HDAC11: variants seen among roughly 807,000 people sequenced by gnomAD.
HDAC11 encodes the protein histone deacetylase 11.
A neutral mutation model predicts 41.1 loss-of-function variants in HDAC11; 23 were observed. The ratio of observed to expected loss-of-function variants is 0.56; its 90% CI spans 0.40 to 0.79. HDAC11 has a LOEUF of 0.79. HDAC11 is among the 30% of genes least tolerant of loss of function. HDAC11 has a pLI of 0.00. For synonymous variants in HDAC11, 187 were observed against 186.6 expected, an observed-to-expected ratio of 1.00 and a Z score of -0.02; for missense variants, 402 against 477.3, an observed-to-expected ratio of 0.84 and a Z score of 1.47.
intron 3 of HDAC11, among the ~76,000 whole-genome samples, chr3:13,490,750 T>C (rs1304924079): frequency 3.0e-5 from 4 of 132,696 alleles, no homozygotes; most frequent in Admixed American, 7.6e-5. Context: ...TTTTCTTTTT[T>C]TTTTTTTTTT....
intron 3 of HDAC11, among the ~76,000 whole-genome samples, chr3:13,494,133 A>G (rs1217579870): frequency 1.3e-5 from 2 of 152,206 alleles, no homozygotes; most frequent in African/African-American, 4.8e-5. Context: ...GTGCTGTGCG[A>G]GACCCGTGGC....
chr3:13,494,121 G>A (rs1199033192), intron 3 of HDAC11, among the ~76,000 whole-genome samples: 1 of 152,210 alleles, frequency 6.6e-6, no homozygotes, highest in Non-Finnish European at 1.5e-5. Flanking sequence ...CCTCCTTGAG[G>A]AGTGCTGTGC....
chr3:13,503,211 A>G, intron 8 of HDAC11: 1 of 367,764 alleles, frequency 2.7e-6, no homozygotes, highest in Non-Finnish European at 4.9e-6. Flanking sequence ...GGCAAAAAAC[A>G]GGAAAGAATG....
At chr3:13,484,966 G>A (rs1701491684) in intron 3 of HDAC11, among the ~76,000 whole-genome samples, 1 of 152,172 alleles carries the variant, frequency 6.6e-6, no homozygotes, top group Admixed American at 6.5e-5. Flanking sequence ...CAAGAGTGTG[G>A]GAGCCCTGAC....
chr3:13,496,808 A>G lies in HDAC11; in HGVS notation c.325A>G (p.Lys109Glu), dbSNP rs1266870603. ...CCTCCCCAACTTCCTTGTGCAGAGGAAGGTGCTGAGGCCCCTTCGGACCCA... is the reference window on the plus strand; with the variant it reads ...CCTCCCCAACTTCCTTGTGCAGAGGGAGGTGCTGAGGCCCCTTCGGACCCA... ...IFLPNFLVQRKVLRPLRTQTG... is the reference protein window; with the variant it reads ...IFLPNFLVQREVLRPLRTQTG... The change falls in exon 4 of 10, where the codon AAG becomes GAG. Residue 109 changes from lysine to glutamate, a missense_variant. Physicochemically the swap from Lys to Glu is moderately conservative, Grantham distance 56. Transcript: ENST00000295757. 1 of 1,604,516 alleles carries G rather than the reference A, an allele frequency of 6.2e-7. No homozygotes were observed. The highest frequency in any genetic ancestry group is 8.5e-7 in the Non-Finnish European group (1 of 1,174,790).
At chr3:13,494,326 C>G (rs568427010) in intron 3 of HDAC11, among the ~76,000 whole-genome samples, 1 of 152,222 alleles carries the variant, frequency 6.6e-6, no homozygotes, top group African/African-American at 2.4e-5. Flanking sequence ...TGGTTCCATG[C>G]CAGCCACACG....
rs115992302 is a variant in HDAC11 at position 13,500,826 on chromosome 3, G to C, written c.489+37G>C. The C allele has an allele frequency of 5.1e-3, 7,212 of 1,422,504 alleles. 30 individuals are homozygous for C. Among genetic ancestry groups the C allele is most frequent in the Non-Finnish European group, 6.2e-3 (6,560 of 1,053,560 alleles). 88.1% of individuals were successfully genotyped at this position (1,422,504 alleles called of 1,614,324 possible). A position where few individuals can be genotyped will look rare whatever the true frequency, so the allele number is the denominator to read the frequency against. On this transcript the variant is annotated intron_variant, in intron 6 of 9. Coordinates refer to ENST00000295757, the MANE Select transcript of HDAC11 (RefSeq NM_024827.4). Reference sequence around the variant, plus strand: ...AGCAAGTGGGGTCTCGCCTCCAAGAGCCCTCCTGGAATCCTCCCCATAGCT... The same window carrying C: ...AGCAAGTGGGGTCTCGCCTCCAAGACCCCTCCTGGAATCCTCCCCATAGCT...
rs1702101149 is a variant in HDAC11 at position 13,496,511 on chromosome 3, G to GCTAGTTGTGT, written c.253-225_253-224insCTAGTTGTGT. 13 of 444,772 alleles carry GCTAGTTGTGT rather than the reference G, an allele frequency of 2.9e-5. No homozygotes were observed. In the South Asian group the frequency reaches 4.2e-4, roughly 14 times the overall value. 27.6% of individuals were successfully genotyped at this position (444,772 alleles called of 1,614,324 possible). On this transcript the variant is annotated intron_variant, in intron 3 of 9. Transcript: ENST00000295757. ...AGGAACCCTGGCCAACTAGCTTTAA[G>GCTAGTTGTGT]AAATGCATTGTGTAAACTGCTCTTT... is the stretch of plus-strand genomic sequence containing the variant.
At chr3:13,496,527 A>G in intron 3 of HDAC11, 1 of 490,266 alleles carries the variant, frequency 2.0e-6, no homozygotes, top group Non-Finnish European at 3.6e-6. Context: ...CATTGTGTAA[A>G]CTGCTCTTTA....
At chr3:13,488,635 A>G (rs1461036086) in intron 3 of HDAC11, among the ~76,000 whole-genome samples, 1 of 152,204 alleles carries the variant, frequency 6.6e-6, no homozygotes, top group Non-Finnish European at 1.5e-5. Context: ...ATGATATTCC[A>G]TTGTAAAACA....
chr3:13,501,640 A>G lies in HDAC11; in HGVS notation c.490-231A>G, dbSNP rs1272796732. 7.1e-6 allele frequency: 5 copies of G among 705,850 alleles called. No homozygotes were observed. The Admixed American group carries it at 8.1e-5, about 11-fold the overall frequency. The allele number at this position is 705,850 out of a possible 1,614,324, so 43.7% of individuals were successfully genotyped here. On this transcript the variant is annotated intron_variant, in intron 6 of 9. Transcript: ENST00000295757. Reference sequence around the variant, plus strand: ...CCTATGACCCTTCAGGGCACAGGACATGCCCCCTCCTCCAGGGAGCCTTCC... The same window carrying G: ...CCTATGACCCTTCAGGGCACAGGACGTGCCCCCTCCTCCAGGGAGCCTTCC...
chr3:13,481,079 G>A (rs1351882629), intron 1 of HDAC11, 167 bp from the exon 2 acceptor site: 2 of 694,954 alleles, frequency 2.9e-6, no homozygotes, highest in Admixed American at 3.0e-5. Flanking sequence ...ATTGGGTTCC[G>A]GGAAAGGCAG....
chr3:13,504,634 T>A lies in HDAC11; in HGVS notation c.995T>A (p.Val332Asp). Residue 332 changes from valine (V) to aspartate (D), a missense_variant, in exon 10 of 10, where the codon GTC (valine) becomes GAC (aspartate). Physicochemically the swap from Val to Asp is radical, Grantham distance 152 (BLOSUM62 -3). Coordinates refer to ENST00000295757, the MANE Select transcript of HDAC11 (RefSeq NM_024827.4). ...CTCATTGGGCCTGAGTCACCCAGCGTCTCCGCACAGAACTCAGACACACCG... is the reference window on the plus strand; with the variant it reads ...CTCATTGGGCCTGAGTCACCCAGCGACTCCGCACAGAACTCAGACACACCG... ...LGLIGPESPS[V>D]SAQNSDTPLL... 1 of 1,613,792 alleles carries A rather than the reference T, an allele frequency of 6.2e-7. No individual in the cohort carries two copies. Among genetic ancestry groups the A allele is most frequent in the East Asian group, 2.2e-5 (1 of 44,864 alleles).
chr3:13,483,092 CG>C (rs1232151739), intron 2 of HDAC11, among the ~76,000 whole-genome samples: 1 of 146,710 alleles, frequency 6.8e-6, no homozygotes, highest in Non-Finnish European at 1.5e-5. Flanking sequence ...AAAAAAAGGG[CG>C]GGGGGAAGGT....
In HDAC11 at chr3:13,483,576, C is replaced by G; in HGVS notation, c.252+12C>G. On this transcript the variant is annotated intron_variant, in intron 3 of 9. Transcript: ENST00000295757. ...TTAATGAGCTCAAGGTACAGGATGT[C>G]GGGCCTGGGGGGCTGCGGGCCTGGG... 4 of 1,417,810 alleles carry G rather than the reference C, an allele frequency of 2.8e-6. No individual in the cohort carries two copies. The highest frequency in any genetic ancestry group is 2.9e-6 in the Non-Finnish European group (3 of 1,027,606). The allele number at this position is 1,417,810 out of a possible 1,614,324, so 87.8% of individuals were successfully genotyped here. A position where few individuals can be genotyped will look rare whatever the true frequency, so the allele number is the denominator to read the frequency against.
Position 13,504,163 on chromosome 3 carries a change from G to A in HDAC11, c.719G>A (p.Arg240Lys). 6.2e-7 allele frequency: 1 copy of A among 1,614,072 alleles called. No homozygotes were observed. Among genetic ancestry groups the A allele is most frequent in the Non-Finnish European group, 8.5e-7 (1 of 1,180,028 alleles). The change falls in exon 9 of 10, where the codon AGG becomes AAG. Residue 240 changes from arginine (R) to lysine (K), a missense_variant. By Grantham distance (26) the Arg-to-Lys change is conservative. Coordinates refer to ENST00000295757, the MANE Select transcript of HDAC11 (RefSeq NM_024827.4). ...EDDEYLDKVE[R>K]NIKKSLQEHL... ...GATGAGTACCTGGATAAGGTGGAGA[G>A]GAACATCAAGAAATCCCTCCAGGAG...
rs550508003 is a variant in HDAC11, at chr3:13,504,918, C to G, written c.*235C>G. On this transcript the variant is annotated 3_prime_UTR_variant, in exon 10 of 10. Transcript: ENST00000295757. ...AGCCTGTGTCCCAGGGGGACCCACA[C>G]GAAGTCACCAGCCCATAGGTCCAGG... is the stretch of plus-strand genomic sequence containing the variant. The G allele has an allele frequency of 3.4e-6, 2 of 585,830 alleles. No homozygotes were observed. The highest frequency in any genetic ancestry group is 1.9e-5 in the African/African-American group (1 of 53,580). The allele number at this position is 585,830 out of a possible 1,614,324, so 36.3% of individuals were successfully genotyped here.
At position 13,483,416 on chromosome 3, in the gene HDAC11, T is replaced by C. The variant is rs368801608; in HGVS notation, c.152-48T>C. Reference sequence around the variant, plus strand: ...CTGTGGGAGGGTCTGGGGCTGGCCCTGGCCTTGAGGTCAGTGGGGAAGCAG... The same window carrying C: ...CTGTGGGAGGGTCTGGGGCTGGCCCCGGCCTTGAGGTCAGTGGGGAAGCAG... On this transcript the variant is annotated intron_variant, in intron 2 of 9. Coordinates refer to ENST00000295757, the MANE Select transcript of HDAC11 (RefSeq NM_024827.4). The C allele has an allele frequency of 7.8e-6, 12 of 1,532,132 alleles. No individual in the cohort carries two copies. In the African/African-American group the frequency reaches 1.1e-4, roughly 14 times the overall value. 94.9% of individuals were successfully genotyped at this position (1,532,132 alleles called of 1,614,324 possible). A position where few individuals can be genotyped will look rare whatever the true frequency, so the allele number is the denominator to read the frequency against.
At position 13,501,863 on chromosome 3, in the gene HDAC11, C is replaced by A; in HGVS notation, c.490-8C>A. On this transcript the variant is annotated splice_region_variant and splice_polypyrimidine_tract_variant and intron_variant, in intron 6 of 9. Coordinates refer to ENST00000295757, the MANE Select transcript of HDAC11 (RefSeq NM_024827.4). Reference sequence around the variant, plus strand: ...AGATCCTCATGTCTACCCTCTCCTCCCTGGCAGTTTCTGTTTGAGCGTGTG... The same window carrying A: ...AGATCCTCATGTCTACCCTCTCCTCACTGGCAGTTTCTGTTTGAGCGTGTG... 1 of 1,613,808 alleles carries A rather than the reference C, an allele frequency of 6.2e-7. No homozygotes were observed. The highest frequency in any genetic ancestry group is 1.3e-5 in the African/African-American group (1 of 75,030).
Sources: gnomAD v4.1 joint callset for allele counts (sites outside exome capture counted in the v4.1 genomes callset) on GRCh38, gnomAD v4.1.1 for gene constraint, MANE v1.5 for transcripts, NCBI Gene and HGNC (gene_info 2026-07-23, HGNC 2026-07-21) for gene names.